DNM2: variants seen among roughly 807,000 people sequenced by gnomAD.
DNM2 encodes dynamin-2.
In DNM2, 15 loss-of-function variants were observed where a neutral mutation model predicts 99.0. The observed-to-expected ratio is 0.15, with a 90% CI of 0.10 to 0.23. The LOEUF (loss-of-function observed/expected upper bound fraction) is 0.23, where lower values mean the gene tolerates loss of function less well. Among genes scored for constraint, DNM2 ranks in the 10% least tolerant of loss-of-function variants. The pLI, the probability that DNM2 is intolerant of heterozygous loss-of-function variation, is 1.00. For synonymous variants in DNM2, 525 were observed against 481.2 expected (o/e 1.09, Z -1.19); for missense variants, 742 against 1,189.4 (o/e 0.62, Z 5.53).
chr19:10,759,379 A>G (rs2070538237), intron 1 of DNM2, among the ~76,000 whole-genome samples: 1 of 152,116 alleles, frequency 6.6e-6, no homozygotes, highest in Non-Finnish European at 1.5e-5. Flanking sequence ...TATTTTACCC[A>G]TATACATGTG....
intron 1 of DNM2, among the ~76,000 whole-genome samples, chr19:10,749,059 C>T (rs760329648): frequency 2.0e-5 from 3 of 152,184 alleles, no homozygotes; most frequent in South Asian, 2.1e-4. Flanking sequence ...AGGAAGGGAT[C>T]CCAGCCCAGG....
chr19:10,776,144 G>C (rs1030383058), intron 4 of DNM2, among the ~76,000 whole-genome samples: 5 of 152,186 alleles, frequency 3.3e-5, no homozygotes, highest in African/African-American at 1.2e-4. Context: ...TGTTGCCAGA[G>C]TGGGAAGCTA....
At position 10,817,814 on chromosome 19, in the gene DNM2, TGTGC is replaced by T. The variant is rs749408710; in HGVS notation, c.1672-2164_1672-2161del. Among the ~76,000 whole-genome samples the T allele has an allele frequency of 1.9e-4, 25 of 130,114 alleles. No homozygotes were observed. The highest frequency in any genetic ancestry group is 5.5e-4 in the South Asian group (2 of 3,626). 85.4% of individuals were successfully genotyped at this position (130,114 alleles called of 152,430 possible). ...GCGCACACACACGTGTGTGTGTGTG[TGTGC>T]GCGCGCGCGCACGCGTGCGTGCCGG... On this transcript the variant is annotated intron_variant, in intron 15 of 20. Coordinates refer to ENST00000389253, the MANE Select transcript of DNM2 (RefSeq NM_001005361.3). The surrounding 1 kb of genome is among the most constrained non-coding windows in gnomAD (Gnocchi z 4.6).
chr19:10,779,502 C>CTTTCTTTTTT (rs1290878626), intron 5 of DNM2, among the ~76,000 whole-genome samples: 1 of 29,602 alleles, frequency 3.4e-5, no homozygotes, highest in Non-Finnish European at 5.8e-5. Flanking sequence ...TTCTTTCTTT[C>CTTTCTTTTTT]TTTTTTTTTT....
At chr19:10,758,049 G>A (rs559675337) in intron 1 of DNM2, among the ~76,000 whole-genome samples, 5 of 150,742 alleles carry the variant, frequency 3.3e-5, no homozygotes, top group South Asian at 4.2e-4. Flanking sequence ...AATGTACCCC[G>A]AGCCCACTGT....
intron 1 of DNM2, among the ~76,000 whole-genome samples, chr19:10,745,848 C>T (rs773436448): frequency 8.5e-5 from 13 of 152,172 alleles, no homozygotes; most frequent in African/African-American, 1.9e-4. Flanking sequence ...CCCTGGTAAC[C>T]GGAGATAGCC....
Position 10,829,041 on chromosome 19 carries a change from G to C in DNM2, c.2064G>C (p.Lys688Asn). 6.2e-7 allele frequency: 1 copy of C among 1,613,018 alleles called. No individual in the cohort carries two copies. The highest frequency in any genetic ancestry group is 1.3e-5 in the African/African-American group (1 of 75,012). The change falls in exon 19 of 21, where the codon AAG (lysine) becomes AAC (asparagine). Residue 688 changes from lysine to asparagine, a missense_variant. Physicochemically the swap from Lys to Asn is moderately conservative, Grantham distance 94. This residue lies in a region of DNM2 where 240 missense variants were observed against 431.3 expected (regional missense o/e 0.56). Coordinates refer to ENST00000389253, the MANE Select transcript of DNM2 (RefSeq NM_001005361.3). ...TIMHLMINNT[K>N]AFIHHELLAY... Reference sequence around the variant, plus strand: ...TCCCCAACCCCTGCCCGCAGACGAAGGCCTTCATCCACCACGAGCTGCTGG... The same window carrying C: ...TCCCCAACCCCTGCCCGCAGACGAACGCCTTCATCCACCACGAGCTGCTGG...
chr19:10,790,259 T>C (rs1489981100), intron 7 of DNM2, among the ~76,000 whole-genome samples: 1 of 152,040 alleles, frequency 6.6e-6, no homozygotes, highest in Admixed American at 6.6e-5. Flanking sequence ...AGACTGTTCA[T>C]GTATCCCAGT....
chr19:10,730,219 C>T (rs2069263722), intron 1 of DNM2, among the ~76,000 whole-genome samples: 1 of 152,158 alleles, frequency 6.6e-6, no homozygotes, highest in African/African-American at 2.4e-5. Flanking sequence ...GTGACTCACG[C>T]CTGTAATCCC....
intron 15 of DNM2, among the ~76,000 whole-genome samples, chr19:10,815,161 C>T (rs1001555535): frequency 5.9e-5 from 9 of 152,144 alleles, no homozygotes; most frequent in Admixed American, 2.6e-4. Context: ...GGCCTGGCTC[C>T]GCGTCTCCTG....
At chr19:10,746,720 TTTTTTTG>T (rs987277066) in intron 1 of DNM2, among the ~76,000 whole-genome samples, 7 of 86,584 alleles carry the variant, frequency 8.1e-5, no homozygotes, top group South Asian at 3.9e-4. Flanking sequence ...GTGCCGGCTT[TTTTTTTG>T]TTTTTTGTTT....
At chr19:10,773,626 A>ATT (rs1277553310) in intron 3 of DNM2, among the ~76,000 whole-genome samples, 1 of 148,780 alleles carries the variant, frequency 6.7e-6, no homozygotes. Context: ...TTTTTTTTTT[A>ATT]TTTTTTATTT....
At chr19:10,751,552 G>A (rs1302102748) in intron 1 of DNM2, among the ~76,000 whole-genome samples, 2 of 152,174 alleles carry the variant, frequency 1.3e-5, no homozygotes, top group Non-Finnish European at 2.9e-5. Context: ...TTAGGGCCAG[G>A]CCCCTGCTCA....
chr19:10,723,558 G>T (rs898980888), intron 1 of DNM2, among the ~76,000 whole-genome samples: 3 of 152,138 alleles, frequency 2.0e-5, no homozygotes, highest in Admixed American at 6.6e-5. Context: ...GTAAGCCACC[G>T]CGCCCAGCCC....
chr19:10,779,499 TTTC>T lies in DNM2; in HGVS notation c.688+2286_688+2288del, dbSNP rs1048773092. On this transcript the variant is annotated intron_variant, in intron 5 of 20. Transcript: ENST00000389253. ...TTTTCTTTCTTTCTTTCTTTCTTTC[TTTC>T]TTTTTTTTTTTTTTTTTTTTTTTTT... 2.1e-3 allele frequency among the ~76,000 whole-genome samples: 227 copies of T among 108,376 alleles called. 1 individual carries two copies. The highest frequency in any genetic ancestry group is 4.4e-3 in the Middle Eastern group (1 of 226). The allele number at this position is 108,376 out of a possible 152,430, so 71.1% of individuals were successfully genotyped here. A position where few individuals can be genotyped will look rare whatever the true frequency, so the allele number is the denominator to read the frequency against.
chr19:10,756,761 C>A (rs1411823220), intron 1 of DNM2, among the ~76,000 whole-genome samples: 1 of 151,900 alleles, frequency 6.6e-6, no homozygotes, highest in Non-Finnish European at 1.5e-5. Flanking sequence ...CTCTCTGGCT[C>A]TTCTCTATCC....
rs978845697 is a variant in DNM2 at position 10,831,105 on chromosome 19, A to G, written c.*58A>G. 2 of 1,541,710 alleles carry G rather than the reference A, an allele frequency of 1.3e-6. No individual in the cohort carries two copies. The highest frequency in any genetic ancestry group is 1.7e-6 in the Non-Finnish European group (2 of 1,143,756). On this transcript the variant is annotated 3_prime_UTR_variant, in exon 21 of 21. Transcript: ENST00000389253. The surrounding 1 kb of genome is among the most constrained non-coding windows in gnomAD (Gnocchi z 4.3). The stretch of plus-strand genomic sequence containing the variant: ...CACGCACCCGCGGCGCAGGAGCTTC[A>G]GTGGTCTGGGGCCCTCCGCCGCCCC...
chr19:10,815,817 C>A lies in DNM2; in HGVS notation c.1671+3440C>A, dbSNP rs557118841. ...CTGTAGGAGTGCCCCCCACTGGGGA[C>A]TTGCTGGCACCCAACCCAGCCCCAG... On this transcript the variant is annotated intron_variant, in intron 15 of 20. Transcript: ENST00000389253. 1.4e-3 allele frequency among the ~76,000 whole-genome samples: 220 copies of A among 152,270 alleles called. 6 individuals carry two copies. The South Asian group carries it at 0.044, about 30-fold the overall frequency.
At chr19:10,808,748 C>T (rs541653992) in intron 14 of DNM2, 168 bp downstream of exon 14, 31 of 743,482 alleles carry the variant, frequency 4.2e-5, no homozygotes, top group Non-Finnish European at 6.6e-5. Context: ...CTGCACGTTG[C>T]CCTGGGTATA....
Sources: gnomAD v4.1 joint callset for allele counts (sites outside exome capture counted in the v4.1 genomes callset) on GRCh38, gnomAD v4.1.1 for gene constraint, gnomAD v4.1.1 regional missense constraint, Gnocchi (gnomAD v3.1) non-coding constraint, MANE v1.5 for transcripts, NCBI Gene and HGNC (gene_info 2026-07-23, HGNC 2026-07-21) for gene names.